The following H1-1 variants were observed in gnomAD, a reference collection of about 807,000 sequenced individuals.
H1-1 encodes histone H1.1.
A neutral mutation model predicts 0.8 loss-of-function variants in H1-1; 2 were observed. The observed-to-expected ratio is 2.64, with a 90% CI of 1.08 to 8.30. The LOEUF is 8.30. H1-1 is among the 30% of genes most tolerant of loss of function. H1-1 has a pLI of 0.04. For missense variants in H1-1, 516 were observed against 262.6 expected, an observed-to-expected ratio of 1.97 and a Z score of -6.67; for synonymous variants, 211 against 108.2, an observed-to-expected ratio of 1.95 and a Z score of -5.89.
At position 26,017,473 on chromosome 6, in the gene H1-1, A is replaced by G; in HGVS notation, c.260T>C (p.Ile87Thr). 1 of 1,613,760 alleles carries G rather than the reference A, an allele frequency of 6.2e-7. No individual in the cohort carries two copies. Among genetic ancestry groups the G allele is most frequent in the Non-Finnish European group, 8.5e-7 (1 of 1,179,788 alleles). The change falls in exon 1 of 1, where the codon ATT becomes ACT. Residue 87 changes from isoleucine (I) to threonine (T), a missense_variant. Ile to Thr is a moderately conservative substitution (Grantham distance 89). Coordinates refer to ENST00000244573, the MANE Select transcript of H1-1 (RefSeq NM_005325.4). ...CGTTCCCTTGCTTACCAGGCTCTTA[A>G]TGCCCAGCTTAATGCGGCTGTTGTT... ...EKNNSRIKLG[I>T]KSLVSKGTLV...
chr6:26,017,378 T>C lies in H1-1; in HGVS notation c.355A>G (p.Thr119Ala). 6.2e-7 allele frequency: 1 copy of C among 1,614,086 alleles called. No individual in the cohort carries two copies. The highest frequency in any genetic ancestry group is 1.3e-5 in the African/African-American group (1 of 75,006). The change falls in exon 1 of 1, where the codon ACC becomes GCC. Residue 119 changes from threonine to alanine, a missense_variant. Thr to Ala is a moderately conservative substitution (Grantham distance 58). Transcript: ENST00000244573. ...KLNKKASSVE[T>A]KPGASKVATK... ...GCCACCTTTGAGGCGCCGGGCTTGG[T>C]TTCCACGGAGGACGCCTTCTTGTTG...
At position 26,017,202 on chromosome 6, in the gene H1-1, G is replaced by A. The variant is rs754095498; in HGVS notation, c.531C>T (p.Pro177=). The change falls in exon 1 of 1, where the codon CCC becomes CCT. Residue 177 remains proline (P), a synonymous_variant. Coordinates refer to ENST00000244573, the MANE Select transcript of H1-1 (RefSeq NM_005325.4). ...TAGCAGGGCTTTTAGCTACTTTCTT[G>A]GGCTTTACAGTTTTGGGTTTTTTTG... is the stretch of plus-strand genomic sequence containing the variant. ...KNPKKPKTVK[P]KKVAKSPAKA... 5.0e-6 allele frequency: 8 copies of A among 1,613,990 alleles called. No homozygotes were observed. Among genetic ancestry groups the A allele is most frequent in the South Asian group, 2.2e-5 (2 of 91,092 alleles).
chr6:26,017,684 T>TG lies in H1-1; in HGVS notation c.48_49insC (p.Lys17GlnfsTer13). 1 of 1,613,990 alleles carries TG rather than the reference T, an allele frequency of 6.2e-7. No homozygotes were observed. ...TTTGCCTTCTTGCCAGCTAAAGGTTTCTCAGGAGCAGCAGAAGCGGCGGGG... is the reference window on the plus strand; with the variant it reads ...TTTGCCTTCTTGCCAGCTAAAGGTTTGCTCAGGAGCAGCAGAAGCGGCGGGG... On this transcript the variant is annotated frameshift_variant, in exon 1 of 1. Transcript: ENST00000244573. LOFTEE classifies it low-confidence loss of function (END_TRUNC).
In H1-1 at chr6:26,017,527, A is replaced by G; in HGVS notation, c.206T>C (p.Leu69Pro). The change falls in exon 1 of 1, where the codon CTG becomes CCG. Residue 69 changes from leucine (L) to proline (P), a missense_variant. Physicochemically the swap from Leu to Pro is moderately conservative, Grantham distance 98 (BLOSUM62 -3). Transcript: ENST00000244573. ...CTCCACGTCGTAGCCTGCGGCCGCCAGCGCCTTTTTAAGAGCTGCCAACGA... is the reference window on the plus strand; with the variant it reads ...CTCCACGTCGTAGCCTGCGGCCGCCGGCGCCTTTTTAAGAGCTGCCAACGA... ...GVSLAALKKA[L>P]AAAGYDVEKN... 6.2e-7 allele frequency: 1 copy of G among 1,614,084 alleles called. No individual in the cohort carries two copies. The highest frequency in any genetic ancestry group is 8.5e-7 in the Non-Finnish European group (1 of 1,180,016).
In H1-1 at chr6:26,017,711, C is replaced by A. The variant is rs747736182; in HGVS notation, c.22G>T (p.Ala8Ser). Residue 8 changes from alanine (A) to serine (S), a missense_variant, in exon 1 of 1, where the codon GCC becomes TCC. Transcript: ENST00000244573. MSETVPP[A>S]PAASAAPEKP... ...TCAGGAGCAGCAGAAGCGGCGGGGG[C>A]GGGAGGCACTGTTTCAGACATGGTG... 1 of 1,613,060 alleles carries A rather than the reference C, an allele frequency of 6.2e-7. No homozygotes were observed.
chr6:26,017,760 G>T lies in H1-1; in HGVS notation c.-28C>A. ...TGACTAACACAGCACACCAAATAAA[G>T]TGGTATAAACCTGACGAAGCAGGAT... On this transcript the variant is annotated 5_prime_UTR_variant, in exon 1 of 1. Coordinates refer to ENST00000244573, the MANE Select transcript of H1-1 (RefSeq NM_005325.4). 1.3e-6 allele frequency: 2 copies of T among 1,598,888 alleles called. No homozygotes were observed. The highest frequency in any genetic ancestry group is 1.7e-6 in the Non-Finnish European group (2 of 1,171,452).
At position 26,017,690 on chromosome 6, in the gene H1-1, G is replaced by A. The variant is rs1761153493; in HGVS notation, c.43C>T (p.Pro15Ser). Residue 15 changes from proline (P) to serine (S), a missense_variant, in exon 1 of 1, where the codon CCT becomes TCT. Transcript: ENST00000244573. ...TTCTTGCCAGCTAAAGGTTTCTCAG[G>A]AGCAGCAGAAGCGGCGGGGGCGGGA... The part of the protein sequence containing the change: ...VPPAPAASAA[P>S]EKPLAGKKAK... 6.2e-7 allele frequency: 1 copy of A among 1,613,916 alleles called. No homozygotes were observed. The highest frequency in any genetic ancestry group is 1.7e-5 in the Admixed American group (1 of 60,008).
Position 26,017,645 on chromosome 6 carries a change from C to G in H1-1, c.88G>C (p.Ala30Pro), listed in dbSNP as rs138845730. 1.7e-5 allele frequency: 27 copies of G among 1,614,048 alleles called. No homozygotes were observed. Among genetic ancestry groups the G allele is most frequent in the Middle Eastern group, 1.6e-4 (1 of 6,084 alleles). ...AGKKAKKPAK[A>P]AAASKKKPAG... ...GGTTTTTTCTTGGAGGCTGCTGCAGCCTTAGCAGGTTTCTTTGCCTTCTTG... is the reference window on the plus strand; with the variant it reads ...GGTTTTTTCTTGGAGGCTGCTGCAGGCTTAGCAGGTTTCTTTGCCTTCTTG... Residue 30 changes from alanine (A) to proline (P), a missense_variant, in exon 1 of 1, where the codon GCT (alanine) becomes CCT (proline). Coordinates refer to ENST00000244573, the MANE Select transcript of H1-1 (RefSeq NM_005325.4).
chr6:26,017,475 G>C lies in H1-1; in HGVS notation c.258C>G (p.Gly86=). The stretch of plus-strand genomic sequence containing the variant: ...TTCCCTTGCTTACCAGGCTCTTAAT[G>C]CCCAGCTTAATGCGGCTGTTGTTCT... ...VEKNNSRIKL[G]IKSLVSKGTL... The change falls in exon 1 of 1, where the codon GGC becomes GGG. Residue 86 remains glycine (G), a synonymous_variant. Coordinates refer to ENST00000244573, the MANE Select transcript of H1-1 (RefSeq NM_005325.4). The C allele has an allele frequency of 6.8e-6, 11 of 1,613,828 alleles. No individual in the cohort carries two copies. Among genetic ancestry groups the C allele is most frequent in the Non-Finnish European group, 9.3e-6 (11 of 1,179,824 alleles).
chr6:26,017,754 AATAAAGTGGT>A lies in H1-1; in HGVS notation c.-32_-23del, dbSNP rs770055445. The A allele has an allele frequency of 2.5e-6, 4 of 1,601,178 alleles. No individual in the cohort carries two copies. Among genetic ancestry groups the A allele is most frequent in the Non-Finnish European group, 3.4e-6 (4 of 1,172,984 alleles). ...ACATGGTGACTAACACAGCACACCA[AATAAAGTGGT>A]ATAAACCTGACGAAGCAGGATGCGA... On this transcript the variant is annotated 5_prime_UTR_variant, in exon 1 of 1. Transcript: ENST00000244573.
Position 26,017,752 on chromosome 6 carries a change from C to T in H1-1, c.-20G>A, listed in dbSNP as rs372168255. On this transcript the variant is annotated 5_prime_UTR_variant, in exon 1 of 1. Coordinates refer to ENST00000244573, the MANE Select transcript of H1-1 (RefSeq NM_005325.4). ...AGACATGGTGACTAACACAGCACAC[C>T]AAATAAAGTGGTATAAACCTGACGA... The T allele has an allele frequency of 1.4e-5, 22 of 1,601,128 alleles. No homozygotes were observed. The highest frequency in any genetic ancestry group is 1.8e-5 in the Non-Finnish European group (21 of 1,172,822).
Position 26,017,464 on chromosome 6 carries a change from A to G in H1-1, c.269T>C (p.Leu90Pro). 1.2e-6 allele frequency: 2 copies of G among 1,613,840 alleles called. No homozygotes were observed. Among genetic ancestry groups the G allele is most frequent in the Non-Finnish European group, 8.5e-7 (1 of 1,179,802 alleles). ...CTGCACCAACGTTCCCTTGCTTACC[A>G]GGCTCTTAATGCCCAGCTTAATGCG... ...NSRIKLGIKS[L>P]VSKGTLVQTK... The change falls in exon 1 of 1, where the codon CTG (leucine) becomes CCG (proline). Residue 90 changes from leucine (L) to proline (P), a missense_variant. Leu to Pro is a moderately conservative substitution (Grantham distance 98). Coordinates refer to ENST00000244573, the MANE Select transcript of H1-1 (RefSeq NM_005325.4).
chr6:26,017,245 C>A lies in H1-1; in HGVS notation c.488G>T (p.Arg163Met), dbSNP rs979998029. Residue 163 changes from arginine (R) to methionine (M), a missense_variant, in exon 1 of 1, where the codon AGG becomes ATG. By Grantham distance (91) the Arg-to-Met change is moderately conservative. Transcript: ENST00000244573. The stretch of plus-strand genomic sequence containing the variant: ...TTTTTTTGGATTCTTGGAGGATTTC[C>A]TTGTTGCCGCAGGCTTTTTAGCCTT... The part of the protein sequence containing the change: ...PKKAKKPAAT[R>M]KSSKNPKKPK... 1.9e-6 allele frequency: 3 copies of A among 1,614,036 alleles called. No individual in the cohort carries two copies. Among genetic ancestry groups the A allele is most frequent in the Non-Finnish European group, 2.5e-6 (3 of 1,180,010 alleles).
In H1-1 at chr6:26,017,527, A is replaced by T. The variant is rs1761147265; in HGVS notation, c.206T>A (p.Leu69Gln). ...GVSLAALKKA[L>Q]AAAGYDVEKN... is the part of the protein sequence containing the mutation. Reference sequence around the variant, plus strand: ...CTCCACGTCGTAGCCTGCGGCCGCCAGCGCCTTTTTAAGAGCTGCCAACGA... The same window carrying T: ...CTCCACGTCGTAGCCTGCGGCCGCCTGCGCCTTTTTAAGAGCTGCCAACGA... The change falls in exon 1 of 1, where the codon CTG (leucine) becomes CAG (glutamine). Residue 69 changes from leucine (L) to glutamine (Q), a missense_variant. By Grantham distance (113) the Leu-to-Gln change is moderately radical. Transcript: ENST00000244573. 6.2e-7 allele frequency: 1 copy of T among 1,613,966 alleles called. No homozygotes were observed. Among genetic ancestry groups the T allele is most frequent in the Non-Finnish European group, 8.5e-7 (1 of 1,180,024 alleles).
At position 26,017,172 on chromosome 6, in the gene H1-1, A is replaced by T. The variant is rs370098610; in HGVS notation, c.561T>A (p.Ala187=). The T allele has an allele frequency of 2.5e-5, 41 of 1,613,796 alleles. No homozygotes were observed. Among genetic ancestry groups the T allele is most frequent in the Non-Finnish European group, 3.3e-5 (39 of 1,180,010 alleles). The change falls in exon 1 of 1, where the codon GCT becomes GCA. Residue 187 remains alanine (A), a synonymous_variant. Coordinates refer to ENST00000244573, the MANE Select transcript of H1-1 (RefSeq NM_005325.4). ...TGGCCGCCTTGGGTTTTACAGCCTT[A>T]GCTTTAGCAGGGCTTTTAGCTACTT... The part of the protein sequence containing the change: ...PKKVAKSPAK[A]KAVKPKAAKA...
Position 26,017,534 on chromosome 6 carries a change from T to A in H1-1, c.199A>T (p.Lys67Ter), listed in dbSNP as rs376652053. Residue 67 changes from lysine (K) to a stop codon, truncating the protein, a stop_gained, in exon 1 of 1, where the codon AAG (lysine) becomes TAG (stop). Transcript: ENST00000244573. LOFTEE classifies it low-confidence loss of function (END_TRUNC). ...TCGTAGCCTGCGGCCGCCAGCGCCT[T>A]TTTAAGAGCTGCCAACGACACACCA... is the stretch of plus-strand genomic sequence containing the variant. ...RGGVSLAALK[K>*]ALAAAGYDVE... 1.2e-6 allele frequency: 2 copies of A among 1,614,140 alleles called. No individual in the cohort carries two copies. The highest frequency in any genetic ancestry group is 1.7e-6 in the Non-Finnish European group (2 of 1,180,026).
Position 26,017,746 on chromosome 6 carries a change from G to C in H1-1, c.-14C>G. 6.2e-7 allele frequency: 1 copy of C among 1,605,494 alleles called. No individual in the cohort carries two copies. The highest frequency in any genetic ancestry group is 1.1e-5 in the South Asian group (1 of 90,756). On this transcript the variant is annotated 5_prime_UTR_variant, in exon 1 of 1. Coordinates refer to ENST00000244573, the MANE Select transcript of H1-1 (RefSeq NM_005325.4). ...TGTTTCAGACATGGTGACTAACACA[G>C]CACACCAAATAAAGTGGTATAAACC...
In H1-1 at chr6:26,017,389, G is replaced by T. The variant is rs34541321; in HGVS notation, c.344C>A (p.Ser115Tyr). 2.0e-5 allele frequency: 33 copies of T among 1,613,940 alleles called. No individual in the cohort carries two copies. Among genetic ancestry groups the T allele is most frequent in the African/African-American group, 2.7e-5 (2 of 74,874 alleles). ...GGCGCCGGGCTTGGTTTCCACGGAGGACGCCTTCTTGTTGAGCTTGAAGGA... is the reference window on the plus strand; with the variant it reads ...GGCGCCGGGCTTGGTTTCCACGGAGTACGCCTTCTTGTTGAGCTTGAAGGA... ...SGSFKLNKKA[S>Y]SVETKPGASK... is the part of the protein sequence containing the mutation. The change falls in exon 1 of 1, where the codon TCC becomes TAC. Residue 115 changes from serine (S) to tyrosine (Y), a missense_variant. Physicochemically the swap from Ser to Tyr is moderately radical, Grantham distance 144. Transcript: ENST00000244573.
rs1224982371 is a variant in H1-1 at position 26,017,607 on chromosome 6, G to A, written c.126C>T (p.Ser42=). 4.3e-6 allele frequency: 7 copies of A among 1,614,028 alleles called. No individual in the cohort carries two copies. In the Admixed American group the frequency reaches 5.0e-5, roughly 12 times the overall value. The change falls in exon 1 of 1, where the codon TCC becomes TCT. Residue 42 remains serine, a synonymous_variant. Transcript: ENST00000244573. Reference sequence around the variant, plus strand: ...CAGCCTGCACGATCAGCTCTGACACGGAAGGGCCAGCGGGTTTTTTCTTGG... The same window carrying A: ...CAGCCTGCACGATCAGCTCTGACACAGAAGGGCCAGCGGGTTTTTTCTTGG... The part of the protein sequence containing the change: ...AASKKKPAGP[S]VSELIVQAAS...
Sources: allele counts gnomAD v4.1 joint callset, GRCh38; gene constraint gnomAD v4.1.1; transcripts MANE v1.5; gene names NCBI Gene and HGNC (gene_info 2026-07-23, HGNC 2026-07-21).